NEGR1: variants seen among roughly 807,000 people sequenced by gnomAD.
NEGR1 encodes neuronal growth regulator 1, also known as IgLON family member 4.
A neutral mutation model predicts 40.9 loss-of-function variants in NEGR1; 10 were observed. That is an observed-to-expected ratio of 0.24 (90% CI 0.15 to 0.42). NEGR1 has a LOEUF of 0.42. Ranked by LOEUF, NEGR1 falls within the 10% of genes least tolerant of loss-of-function variation. NEGR1 has a pLI of 1.00. For synonymous variants in NEGR1, 185 were observed against 166.8 expected (o/e 1.11, Z -0.84); for missense variants, 352 against 438.9 (o/e 0.80, Z 1.77).
chr1:72,198,695 C>T (rs967659548), intron 1 of NEGR1, among the ~76,000 whole-genome samples: 1 of 151,886 alleles, frequency 6.6e-6, no homozygotes, highest in African/African-American at 2.4e-5. Flanking sequence ...AGAAATTACA[C>T]ATCATTCCAG....
chr1:71,806,835 C>G (rs1657789431), intron 2 of NEGR1, among the ~76,000 whole-genome samples: 1 of 151,822 alleles, frequency 6.6e-6, no homozygotes, highest in Non-Finnish European at 1.5e-5. Flanking sequence ...TAATCCCCAT[C>G]CTACATCCTA....
chr1:72,174,768 T>A (rs116828399), intron 1 of NEGR1, among the ~76,000 whole-genome samples: 2,056 of 151,982 alleles, frequency 0.014, 46 homozygotes, highest in African/African-American at 0.047. Context: ...AAAAAAAATT[T>A]AAAAAAAATT....
chr1:71,639,352 C>A (rs1418216666), intron 4 of NEGR1, among the ~76,000 whole-genome samples: 4 of 152,034 alleles, frequency 2.6e-5, no homozygotes, highest in African/African-American at 9.7e-5. Flanking sequence ...TACAGTTCTT[C>A]AATGTGCAGC....
chr1:71,810,338 A>G (rs1266344468), intron 2 of NEGR1, among the ~76,000 whole-genome samples: 1 of 152,132 alleles, frequency 6.6e-6, no homozygotes, highest in Admixed American at 6.6e-5. Flanking sequence ...TGGAATTGAC[A>G]GTATGGTGTG....
At chr1:71,632,130 C>T (rs1570129277) in intron 4 of NEGR1, among the ~76,000 whole-genome samples, 1 of 151,700 alleles carries the variant, frequency 6.6e-6, no homozygotes, top group African/African-American at 2.4e-5. Context: ...ACTACTATCA[C>T]TCTGGTTCAA....
At chr1:71,901,806 G>A (rs1205449116) in intron 2 of NEGR1, among the ~76,000 whole-genome samples, 2 of 151,486 alleles carry the variant, frequency 1.3e-5, no homozygotes, top group Non-Finnish European at 2.9e-5. Context: ...GAGTAGCTGC[G>A]ATTACAGGCA....
At chr1:71,664,233 C>A (rs568464715) in intron 4 of NEGR1, among the ~76,000 whole-genome samples, 1 of 152,130 alleles carries the variant, frequency 6.6e-6, no homozygotes, top group Non-Finnish European at 1.5e-5. Flanking sequence ...AATGCCTTTA[C>A]ACTGAGTGAA....
intron 1 of NEGR1, among the ~76,000 whole-genome samples, chr1:72,160,305 C>T (rs577313413): frequency 1.6e-4 from 24 of 152,202 alleles, no homozygotes; most frequent in Admixed American, 4.6e-4. Context: ...TATCAAAATA[C>T]TTTCAAATTC....
At chr1:72,063,096 T>A (rs1416986497) in intron 1 of NEGR1, among the ~76,000 whole-genome samples, 3 of 151,654 alleles carry the variant, frequency 2.0e-5, no homozygotes, top group African/African-American at 4.8e-5. Flanking sequence ...TGAAAAAAAA[T>A]CTGTTCAGTC....
chr1:72,091,167 C>T (rs996570979), intron 1 of NEGR1, among the ~76,000 whole-genome samples: 5 of 152,122 alleles, frequency 3.3e-5, no homozygotes, highest in Non-Finnish European at 7.4e-5. Flanking sequence ...CATGAAGCTA[C>T]TGCCTGTCCA....
intron 3 of NEGR1, among the ~76,000 whole-genome samples, chr1:71,770,513 T>C (rs1288480659): frequency 6.6e-6 from 1 of 152,158 alleles, no homozygotes; most frequent in African/African-American, 2.4e-5. Context: ...ACTCCAATTG[T>C]ATGGTATAAA....
intron 1 of NEGR1, among the ~76,000 whole-genome samples, chr1:72,243,586 A>G (rs1654815832): frequency 6.6e-6 from 1 of 151,690 alleles, no homozygotes; most frequent in Non-Finnish European, 1.5e-5. Flanking sequence ...CTCCTGTCCA[A>G]CCAGTCTTGA....
chr1:71,412,448 T>TTA (rs1222643099), intron 6 of NEGR1, among the ~76,000 whole-genome samples: 2 of 152,172 alleles, frequency 1.3e-5, no homozygotes, highest in Non-Finnish European at 1.5e-5. Context: ...TTATAATTAG[T>TTA]TATATATATG....
intron 4 of NEGR1, among the ~76,000 whole-genome samples, chr1:71,662,082 C>T (rs370644472): frequency 5.9e-5 from 9 of 152,330 alleles, no homozygotes; most frequent in Admixed American, 5.2e-4. Context: ...GCAGTATCAT[C>T]TAGGACTTAA....
At chr1:71,963,854 G>T (rs937877117) in intron 1 of NEGR1, among the ~76,000 whole-genome samples, 3 of 152,076 alleles carry the variant, frequency 2.0e-5, no homozygotes, top group Non-Finnish European at 2.9e-5. Flanking sequence ...CCTATCACTA[G>T]AATTTGTGAT....
intron 2 of NEGR1, among the ~76,000 whole-genome samples, chr1:71,829,291 A>G (rs1156987514): frequency 6.6e-6 from 1 of 151,920 alleles, no homozygotes; most frequent in East Asian, 1.9e-4. Flanking sequence ...GATTTAACAG[A>G]TATTGGTTCC....
intron 2 of NEGR1, among the ~76,000 whole-genome samples, chr1:71,803,363 T>A (rs1287570320): frequency 6.6e-6 from 1 of 152,140 alleles, no homozygotes; most frequent in Non-Finnish European, 1.5e-5. Context: ...ATAACTATCT[T>A]TAGTTAAGTC....
At chr1:71,500,979 C>T (rs1333784235) in intron 6 of NEGR1, among the ~76,000 whole-genome samples, 4 of 151,946 alleles carry the variant, frequency 2.6e-5, no homozygotes, top group African/African-American at 4.8e-5. Context: ...GTCAGAGAGC[C>T]AACTGTATGT....
intron 4 of NEGR1, among the ~76,000 whole-genome samples, chr1:71,660,819 T>G (rs1345735636): frequency 6.6e-6 from 1 of 152,148 alleles, no homozygotes; most frequent in Non-Finnish European, 1.5e-5. Context: ...TCATCCACAT[T>G]AGGTATTTCT....
Sources: allele counts gnomAD v4.1 joint callset (sites outside exome capture counted in the v4.1 genomes callset), GRCh38; gene constraint gnomAD v4.1.1; transcripts MANE v1.5; gene names NCBI Gene and HGNC (gene_info 2026-07-23, HGNC 2026-07-21).